Variants in RNF212 observed in about 807,000 individuals in gnomAD.
RNF212 encodes the protein probable E3 SUMO-protein ligase RNF212.
Under a neutral mutation model 34.7 loss-of-function variants are expected in RNF212, and 33 were observed. The observed-to-expected ratio is 0.95, with a 90% CI of 0.72 to 1.27. RNF212 has a LOEUF of 1.27. RNF212 is among the 50% of genes most tolerant of loss of function. The probability of loss-of-function intolerance (pLI) is 0.00; values close to 1 mark genes in which losing one functional copy is unlikely to be tolerated. For synonymous variants in RNF212, 140 were observed against 136.1 expected (o/e 1.03, Z -0.20); for missense variants, 377 against 362.2 (o/e 1.04, Z -0.33).
chr4:1,085,493 C>T (rs1218419111), intron 5 of RNF212, among the ~76,000 whole-genome samples: 1 of 152,206 alleles, frequency 6.6e-6, no homozygotes, highest in Non-Finnish European at 1.5e-5. Context: ...ATATATGTAC[C>T]TTTCGCAAAC....
chr4:1,088,505 T>C (rs1721689219), intron 4 of RNF212, among the ~76,000 whole-genome samples: 1 of 152,212 alleles, frequency 6.6e-6, no homozygotes, highest in African/African-American at 2.4e-5. Flanking sequence ...CATAAAAGTC[T>C]GAACAAAATT....
intron 3 of RNF212, among the ~76,000 whole-genome samples, chr4:1,065,258 C>T (rs990105944): frequency 3.9e-5 from 6 of 152,216 alleles, no homozygotes; most frequent in Admixed American, 6.5e-5. Flanking sequence ...CAACAGTGCA[C>T]ATGCTTCCAA....
At chr4:1,109,643 T>A (rs970880687) in intron 1 of RNF212, among the ~76,000 whole-genome samples, 1 of 152,176 alleles carries the variant, frequency 6.6e-6, no homozygotes, top group Admixed American at 6.5e-5. Context: ...CCATTCCCCA[T>A]GGGGCTGCTC....
At chr4:1,081,492 CA>C (rs1720334579) in intron 6 of RNF212, 25 bp from the exon 7 acceptor site, 5 of 1,612,968 alleles carry the variant, frequency 3.1e-6, no homozygotes, top group African/African-American at 1.3e-5. Flanking sequence ...ACGAAAATGC[CA>C]GCGTCAGTGC....
rs760009964 is a variant in RNF212 at position 1,081,484 on chromosome 4, G to A, written c.416-17C>T. ...GTGGTTTTGCTGGAAGAGTGATGAC[G>A]AAAATGCCAGCGTCAGTGCACACAG... is the stretch of plus-strand genomic sequence containing the variant. On this transcript the variant is annotated splice_polypyrimidine_tract_variant and intron_variant, in intron 6 of 9. Coordinates refer to ENST00000433731, the MANE Select transcript of RNF212 (RefSeq NM_001131034.4). The A allele has an allele frequency of 7.4e-6, 12 of 1,613,276 alleles. No individual in the cohort carries two copies. In the South Asian group the frequency reaches 7.7e-5, roughly 10 times the overall value.
chr4:1,068,959 G>C (rs193197832), downstream of RNF212, among the ~76,000 whole-genome samples: 2 of 152,310 alleles, frequency 1.3e-5, no homozygotes, highest in Admixed American at 1.3e-4. Context: ...TGCAATCCTA[G>C]CACTTTGGGA....
In RNF212 at chr4:1,085,960, CAT is replaced by C; in HGVS notation, c.304-8_304-7del. ...GATTCTTCCAACCTAGAAATCTAAA[CAT>C]AATTACACAACCTCTTGTTATCAGA... On this transcript the variant is annotated splice_region_variant and splice_polypyrimidine_tract_variant and intron_variant, in intron 4 of 9. Transcript: ENST00000433731. 1 of 1,590,996 alleles carries C rather than the reference CAT, an allele frequency of 6.3e-7. No individual in the cohort carries two copies. The highest frequency in any genetic ancestry group is 8.6e-7 in the Non-Finnish European group (1 of 1,159,860).
intron 8 of RNF212, among the ~76,000 whole-genome samples, chr4:1,077,253 A>G (rs1219090867): frequency 6.6e-6 from 1 of 152,186 alleles, no homozygotes; most frequent in Non-Finnish European, 1.5e-5. Flanking sequence ...AACAAAAAAC[A>G]AAAAGCAAAA....
Position 1,083,971 on chromosome 4 carries a change from G to A in RNF212, c.362+1925C>T, listed in dbSNP as rs554113228. Among the ~76,000 whole-genome samples the A allele has an allele frequency of 1.5e-3, 212 of 140,880 alleles. 1 individual carries two copies. Among genetic ancestry groups the A allele is most frequent in the African/African-American group, 5.1e-3 (195 of 38,172 alleles). 92.4% of individuals were successfully genotyped at this position (140,880 alleles called of 152,430 possible). A position where few individuals can be genotyped will look rare whatever the true frequency, so the allele number is the denominator to read the frequency against. ...TTTTTTTTTTTTTTTTTTGAGAGAC[G>A]GAGTTTTGCTCTTGTTACCCAGGCT... On this transcript the variant is annotated intron_variant, in intron 5 of 9. Coordinates refer to ENST00000433731, the MANE Select transcript of RNF212 (RefSeq NM_001131034.4).
At chr4:1,100,707 C>G (rs909201552) in intron 2 of RNF212, 2 of 152,232 alleles carry the variant, frequency 1.3e-5, no homozygotes, top group African/African-American at 4.8e-5. Flanking sequence ...CCGCACCCGG[C>G]CGCGTTTTCC....
intron 5 of RNF212, 167 bp from the exon 6 acceptor site, chr4:1,081,786 G>C: frequency 1.6e-6 from 1 of 607,818 alleles, no homozygotes; most frequent in Non-Finnish European, 2.9e-6. Flanking sequence ...CCTGTGAGTC[G>C]CACGGCCCTG....
At chr4:1,090,608 A>T in intron 4 of RNF212, among the ~76,000 whole-genome samples, 174 bp downstream of exon 4, 1 of 152,184 alleles carries the variant, frequency 6.6e-6, no homozygotes, top group Non-Finnish European at 1.5e-5. Context: ...GGGTTGGGCA[A>T]ATAGGCTGCT....
chr4:1,064,870 C>T (rs1304268398), intron 3 of RNF212, among the ~76,000 whole-genome samples: 1 of 152,204 alleles, frequency 6.6e-6, no homozygotes, highest in Non-Finnish European at 1.5e-5. Context: ...ATCTTGACTA[C>T]TTCACACACA....
chr4:1,099,536 G>C (rs575411099), intron 2 of RNF212, among the ~76,000 whole-genome samples: 1 of 152,178 alleles, frequency 6.6e-6, no homozygotes, highest in Non-Finnish European at 1.5e-5. Context: ...GGATCGGTGA[G>C]AGCTGAGGCC....
chr4:1,082,812 GCTGA>G (rs1256039895), intron 5 of RNF212, among the ~76,000 whole-genome samples: 1 of 152,262 alleles, frequency 6.6e-6, no homozygotes, highest in Non-Finnish European at 1.5e-5. Context: ...CTGCTGCGTG[GCTGA>G]CTGTGGTGGG....
chr4:1,105,966 C>T (rs760128282), intron 2 of RNF212, among the ~76,000 whole-genome samples: 16 of 152,204 alleles, frequency 1.1e-4, no homozygotes, highest in Non-Finnish European at 2.1e-4. Context: ...GACCACGAGG[C>T]GGCCAGAGGC....
At chr4:1,087,881 T>C (rs1721592264) in intron 4 of RNF212, among the ~76,000 whole-genome samples, 1 of 152,036 alleles carries the variant, frequency 6.6e-6, no homozygotes, top group Non-Finnish European at 1.5e-5. Flanking sequence ...CTTTGCCTTC[T>C]GCCATGATTG....
chr4:1,069,579 C>T (rs1718311494), downstream of RNF212, among the ~76,000 whole-genome samples: 1 of 152,142 alleles, frequency 6.6e-6, no homozygotes, highest in Non-Finnish European at 1.5e-5. Flanking sequence ...GGAGGAATCA[C>T]GTGACCAAAG....
intron 2 of RNF212, among the ~76,000 whole-genome samples, chr4:1,098,668 C>T (rs772758546): frequency 1.3e-5 from 2 of 152,216 alleles, no homozygotes; most frequent in Non-Finnish European, 2.9e-5. Context: ...TCTGCACACC[C>T]TTGACCTGCA....
Sources: gnomAD v4.1 joint callset for allele counts (sites outside exome capture counted in the v4.1 genomes callset) on GRCh38, gnomAD v4.1.1 for gene constraint, MANE v1.5 for transcripts, NCBI Gene and HGNC (gene_info 2026-07-23, HGNC 2026-07-21) for gene names.